The following ZNF704 variants were observed in gnomAD, a reference collection of about 807,000 sequenced individuals.
The protein encoded by ZNF704 is zinc finger protein 704.
In ZNF704, 10 loss-of-function variants were observed where a neutral mutation model predicts 44.7. The ratio of observed to expected loss-of-function variants is 0.22; its 90% CI spans 0.14 to 0.38. The LOEUF (loss-of-function observed/expected upper bound fraction) is 0.38, where lower values mean the gene tolerates loss of function less well. Among genes scored for constraint, ZNF704 ranks in the 10% least tolerant of loss-of-function variants. The pLI is 1.00. For missense variants in ZNF704, 390 were observed against 545.5 expected, an observed-to-expected ratio of 0.71 and a Z score of 2.84; for synonymous variants, 211 against 207.6, an observed-to-expected ratio of 1.02 and a Z score of -0.14.
At chr8:80,778,991 T>A (rs1013994593) in intron 2 of ZNF704, among the ~76,000 whole-genome samples, 17 of 152,042 alleles carry the variant, frequency 1.1e-4, no homozygotes, top group African/African-American at 4.1e-4. Flanking sequence ...TCTGCACATG[T>A]ACCCCTGAAC....
intron 6 of ZNF704, among the ~76,000 whole-genome samples, chr8:80,662,715 T>C (rs573276462): frequency 1.3e-5 from 2 of 152,358 alleles, no homozygotes; most frequent in South Asian, 2.1e-4. Context: ...TGGCAATACA[T>C]AGTAAGAGCC....
chr8:80,675,121 G>A (rs143140196), intron 4 of ZNF704, among the ~76,000 whole-genome samples: 85 of 152,328 alleles, frequency 5.6e-4, no homozygotes, highest in Non-Finnish European at 8.1e-4. Flanking sequence ...TATAATACAT[G>A]ATGACCATTT....
chr8:80,779,664 C>T (rs7813877), intron 2 of ZNF704, among the ~76,000 whole-genome samples: 20,268 of 151,818 alleles, frequency 0.13, 2,102 homozygotes, highest in African/African-American at 0.29. Context: ...AACATCTTCA[C>T]ATAGATACTA....
At chr8:80,728,994 T>G (rs1806530823) in intron 2 of ZNF704, among the ~76,000 whole-genome samples, 1 of 152,128 alleles carries the variant, frequency 6.6e-6, no homozygotes, top group South Asian at 2.1e-4. Flanking sequence ...ACGACCGTTA[T>G]GAAAATATTT....
At chr8:80,737,108 T>C (rs1258797485) in intron 2 of ZNF704, among the ~76,000 whole-genome samples, 1 of 152,212 alleles carries the variant, frequency 6.6e-6, no homozygotes, top group Non-Finnish European at 1.5e-5. Flanking sequence ...CTATATACAC[T>C]AGGTGATTTG....
intron 2 of ZNF704, among the ~76,000 whole-genome samples, chr8:80,768,184 A>G (rs1252718728): frequency 1.3e-5 from 2 of 152,284 alleles, no homozygotes; most frequent in Middle Eastern, 3.4e-3. Context: ...AGCAGGAGTA[A>G]GTGTGATTAA....
chr8:80,863,080 T>TA, intron 1 of ZNF704, among the ~76,000 whole-genome samples: 1 of 152,214 alleles, frequency 6.6e-6, no homozygotes, highest in East Asian at 1.9e-4. Context: ...TAATATATGA[T>TA]AAAACAAGAC....
chr8:80,860,407 G>A lies in ZNF704; in HGVS notation c.-22+14164C>T, dbSNP rs547898303. Among the ~76,000 whole-genome samples the A allele has an allele frequency of 3.3e-5, 5 of 152,306 alleles. No homozygotes were observed. In the South Asian group the frequency reaches 8.3e-4, roughly 25 times the overall value. Reference sequence around the variant, plus strand: ...TCAACCCCTTCTAGCTTTTAGATATGTCTGAGCCTTGTAGAACTTCACAAG... The same window carrying A: ...TCAACCCCTTCTAGCTTTTAGATATATCTGAGCCTTGTAGAACTTCACAAG... On this transcript the variant is annotated intron_variant, in intron 1 of 8. Transcript: ENST00000327835.
rs560539332 is a variant in ZNF704, at chr8:80,633,744, G to A, written c.*7622C>T. The A allele has an allele frequency of 3.3e-5, 5 of 152,278 alleles. No homozygotes were observed. Among genetic ancestry groups the A allele is most frequent in the African/African-American group, 9.6e-5 (4 of 41,568 alleles). 9.4% of individuals were successfully genotyped at this position (152,278 alleles called of 1,614,324 possible). The stretch of plus-strand genomic sequence containing the variant: ...AAATGAAATAGTGTGTGAACGAGAC[G>A]TATCTTATTACATACGTGAAAGGGT... On this transcript the variant is annotated 3_prime_UTR_variant, in exon 9 of 9. Coordinates refer to ENST00000327835, the MANE Select transcript of ZNF704 (RefSeq NM_001033723.3).
At chr8:80,735,958 C>T (rs1427867163) in intron 2 of ZNF704, among the ~76,000 whole-genome samples, 1 of 152,150 alleles carries the variant, frequency 6.6e-6, no homozygotes, top group Non-Finnish European at 1.5e-5. Flanking sequence ...GAAGGAATTC[C>T]AGTTTAGTAT....
At chr8:80,857,504 A>C (rs946748183) in intron 1 of ZNF704, among the ~76,000 whole-genome samples, 1 of 152,160 alleles carries the variant, frequency 6.6e-6, no homozygotes, top group African/African-American at 2.4e-5. Context: ...ATCTATTAAT[A>C]CAGTAATCTA....
Position 80,848,647 on chromosome 8 carries a change from C to A in ZNF704, c.-22+25924G>T, listed in dbSNP as rs557267049. Among the ~76,000 whole-genome samples the A allele has an allele frequency of 2.6e-5, 4 of 152,166 alleles. No individual in the cohort carries two copies. The South Asian group carries it at 8.3e-4, about 32-fold the overall frequency. ...ATCCCTTCAGCCCAGGAGTTCGAGA[C>A]CAACCTGACCAACATGGTGAAACCC... On this transcript the variant is annotated intron_variant, in intron 1 of 8. Transcript: ENST00000327835.
intron 2 of ZNF704, among the ~76,000 whole-genome samples, chr8:80,721,264 T>C (rs1023174824): frequency 6.6e-6 from 1 of 152,178 alleles, no homozygotes; most frequent in Non-Finnish European, 1.5e-5. Flanking sequence ...AATGATGTGG[T>C]AACTTTAAGG....
intron 2 of ZNF704, among the ~76,000 whole-genome samples, chr8:80,748,830 C>T (rs533302330): frequency 2.6e-5 from 4 of 152,300 alleles, no homozygotes; most frequent in African/African-American, 9.6e-5. Flanking sequence ...GACATGTTCT[C>T]CAGCTTCTAG....
chr8:80,869,408 C>T (rs961365446), intron 1 of ZNF704, among the ~76,000 whole-genome samples: 1 of 152,190 alleles, frequency 6.6e-6, no homozygotes, highest in Admixed American at 6.5e-5. Flanking sequence ...CAGCTGATGA[C>T]CTTCCTTTCT....
At chr8:80,735,891 G>C (rs1806657138) in intron 2 of ZNF704, among the ~76,000 whole-genome samples, 1 of 152,140 alleles carries the variant, frequency 6.6e-6, no homozygotes, top group African/African-American at 2.4e-5. Context: ...CTCATATGCA[G>C]CAAATGTTGC....
intron 2 of ZNF704, among the ~76,000 whole-genome samples, chr8:80,774,911 G>C (rs921230258): frequency 3.3e-5 from 5 of 152,194 alleles, no homozygotes; most frequent in Non-Finnish European, 4.4e-5. Flanking sequence ...TACACGAAGC[G>C]AAATGAAAAC....
intron 2 of ZNF704, among the ~76,000 whole-genome samples, chr8:80,697,055 A>G (rs1335172317): frequency 6.6e-6 from 1 of 152,208 alleles, no homozygotes; most frequent in Non-Finnish European, 1.5e-5. Context: ...TTGTTCCTGA[A>G]GCTGACCTGG....
intron 2 of ZNF704, among the ~76,000 whole-genome samples, chr8:80,742,804 A>G (rs550402886): frequency 8.1e-4 from 123 of 152,066 alleles, no homozygotes; most frequent in Non-Finnish European, 1.1e-3. Context: ...GGAAGCAGTT[A>G]GAGCGGTTGT....
Sources: gnomAD v4.1 joint callset for allele counts (sites outside exome capture counted in the v4.1 genomes callset) on GRCh38, gnomAD v4.1.1 for gene constraint, MANE v1.5 for transcripts, NCBI Gene and HGNC (gene_info 2026-07-23, HGNC 2026-07-21) for gene names.